WDFY3: variants seen among roughly 807,000 people sequenced by gnomAD.
WDFY3 encodes the protein WD repeat and FYVE domain containing 3.
WDFY3 carries 66 observed loss-of-function variants against 409.6 expected under a neutral mutation model. The observed-to-expected ratio is 0.16, with a 90% CI of 0.13 to 0.20. The LOEUF is 0.20. WDFY3 is among the 10% of genes least tolerant of loss of function. The probability of loss-of-function intolerance (pLI) is 1.00; values close to 1 mark genes in which losing one functional copy is unlikely to be tolerated. For missense variants in WDFY3, 3,031 were observed against 4,298.1 expected, an observed-to-expected ratio of 0.71 and a Z score of 8.24; for synonymous variants, 1,521 against 1,537.1, an observed-to-expected ratio of 0.99 and a Z score of 0.25.
intron 5 of WDFY3, among the ~76,000 whole-genome samples, chr4:84,847,427 A>G (rs2150081884): frequency 6.6e-6 from 1 of 152,186 alleles, no homozygotes; most frequent in South Asian, 2.1e-4. Flanking sequence ...CCTTTTTATT[A>G]AACCTGAAAG....
chr4:84,821,361 T>C lies in WDFY3; in HGVS notation c.1314A>G (p.Pro438=), dbSNP rs527900658. The C allele has an allele frequency of 6.2e-7, 1 of 1,613,904 alleles. No homozygotes were observed. The highest frequency in any genetic ancestry group is 1.1e-5 in the South Asian group (1 of 91,080). ...SQFAEKISKL[P]EVQNKYFEML... ...TCTCAAAGTATTTGTTTTGTACTTC[T>C]GGGAGTTTAGAAATCTTCTCTGCAA... is the stretch of plus-strand genomic sequence containing the variant. The change falls in exon 11 of 68, where the codon CCA becomes CCG. Residue 438 remains proline, a synonymous_variant. Coordinates refer to ENST00000295888, the MANE Select transcript of WDFY3 (RefSeq NM_014991.6).
Position 84,708,912 on chromosome 4 carries a change from T to C in WDFY3, c.8214A>G (p.Ser2738=), listed in dbSNP as rs752792328. The C allele has an allele frequency of 6.2e-7, 1 of 1,612,100 alleles. No homozygotes were observed. The highest frequency in any genetic ancestry group is 1.1e-5 in the South Asian group (1 of 90,770). ...AGCAAAATGACTTAAGATTTACCTCTGAGTCATAATCTGCAAGGATCCAGG... is the reference window on the plus strand; with the variant it reads ...AGCAAAATGACTTAAGATTTACCTCCGAGTCATAATCTGCAAGGATCCAGG... ...VFPWILADYD[S]EEVDLTNPKT... The change falls in exon 53 of 68, where the codon TCA becomes TCG. Residue 2738 remains serine, a synonymous_variant. Coordinates refer to ENST00000295888, the MANE Select transcript of WDFY3 (RefSeq NM_014991.6).
chr4:84,780,972 A>C (rs886301212), intron 25 of WDFY3, among the ~76,000 whole-genome samples: 1 of 152,238 alleles, frequency 6.6e-6, no homozygotes, highest in South Asian at 2.1e-4. Context: ...AGTAAGTAAG[A>C]GTGCCTTACT....
intron 3 of WDFY3, chr4:84,879,406 CTGAAT>C (rs1763192703): frequency 6.6e-6 from 1 of 152,192 alleles, no homozygotes; most frequent in African/African-American, 2.4e-5. Flanking sequence ...CCCAACCCAC[CTGAAT>C]TTCTCTCTGT....
chr4:84,787,520 G>T lies in WDFY3; in HGVS notation c.3863C>A (p.Pro1288Gln), dbSNP rs1403719123. The T allele has an allele frequency of 2.5e-6, 4 of 1,614,014 alleles. No homozygotes were observed. The highest frequency in any genetic ancestry group is 3.4e-6 in the Non-Finnish European group (4 of 1,180,002). Residue 1288 changes from proline (P) to glutamine (Q), a missense_variant, in exon 23 of 68, where the codon CCA becomes CAA. Pro to Gln is a moderately conservative substitution (Grantham distance 76). Transcript: ENST00000295888. Reference sequence around the variant, plus strand: ...AGCCTGAAAGCTTCCAACATAATTTGGTCCAAGTTCATAAATGGTAGTAAC... The same window carrying T: ...AGCCTGAAAGCTTCCAACATAATTTTGTCCAAGTTCATAAATGGTAGTAAC... ...SNVTTIYELGPNYVGSFQAVC... is the reference protein window; with the variant it reads ...SNVTTIYELGQNYVGSFQAVC...
rs1560523570 is a variant in WDFY3 at position 84,684,049 on chromosome 4, G to C, written c.9620C>G (p.Thr3207Arg). The C allele has an allele frequency of 6.2e-7, 1 of 1,613,620 alleles. No individual in the cohort carries two copies. The highest frequency in any genetic ancestry group is 8.5e-7 in the Non-Finnish European group (1 of 1,179,592). The part of the protein sequence containing the change: ...INGNPIVSVN[T>R]FTGRSQQIIC... ...GATCTGCTGGCTCCTACCTGTGAACGTGTTGACACTCACGATAGGGTTCCC... is the reference window on the plus strand; with the variant it reads ...GATCTGCTGGCTCCTACCTGTGAACCTGTTGACACTCACGATAGGGTTCCC... Residue 3207 changes from threonine (T) to arginine (R), a missense_variant, in exon 63 of 68, where the codon ACG becomes AGG. Transcript: ENST00000295888.
intron 47 of WDFY3, among the ~76,000 whole-genome samples, chr4:84,719,322 A>G (rs926412930): frequency 2.6e-5 from 4 of 152,218 alleles, no homozygotes; most frequent in Non-Finnish European, 5.9e-5. Context: ...AGGAAGGAGC[A>G]TTGCTAAATC....
intron 34 of WDFY3, among the ~76,000 whole-genome samples, chr4:84,754,381 T>C (rs1393312468): frequency 6.6e-6 from 1 of 152,242 alleles, no homozygotes; most frequent in African/African-American, 2.4e-5. Flanking sequence ...CCAGAGAGTA[T>C]CTTTTAAAAA....
At chr4:84,948,474 G>T (rs1773184123) in intron 1 of WDFY3, among the ~76,000 whole-genome samples, 1 of 152,172 alleles carries the variant, frequency 6.6e-6, no homozygotes, top group Non-Finnish European at 1.5e-5. Flanking sequence ...GTCAAGCCCA[G>T]CCTGTCTCTG....
intron 1 of WDFY3, among the ~76,000 whole-genome samples, chr4:84,944,401 G>A (rs1016964948): frequency 2.6e-5 from 4 of 151,304 alleles, no homozygotes; most frequent in Non-Finnish European, 4.4e-5. Context: ...GCATGGTGGC[G>A]CACACCTGTA....
chr4:84,946,838 G>A (rs1414765528), intron 1 of WDFY3, among the ~76,000 whole-genome samples: 2 of 150,662 alleles, frequency 1.3e-5, no homozygotes, highest in South Asian at 2.1e-4. Flanking sequence ...ACAGAGTCTC[G>A]CTCTGTTGCC....
intron 36 of WDFY3, chr4:84,751,249 T>TA: frequency 1.8e-6 from 1 of 556,982 alleles, no homozygotes; most frequent in South Asian, 2.1e-5. Flanking sequence ...CGCCAGCTCT[T>TA]AGAGAAAGGA....
chr4:84,699,698 C>A (rs1358236597), intron 56 of WDFY3, among the ~76,000 whole-genome samples: 1 of 152,062 alleles, frequency 6.6e-6, no homozygotes, highest in Non-Finnish European at 1.5e-5. Flanking sequence ...TTTTTCTATA[C>A]CTTTGCCAGC....
At chr4:84,793,445 C>CCTTGAGATAA (rs1748851765) in intron 21 of WDFY3, among the ~76,000 whole-genome samples, 2 of 152,212 alleles carry the variant, frequency 1.3e-5, no homozygotes, top group Non-Finnish European at 2.9e-5. Context: ...ACTTTGACTT[C>CCTTGAGATAA]ACAGTCCTTG....
intron 19 of WDFY3, among the ~76,000 whole-genome samples, chr4:84,796,214 C>T (rs916301443): frequency 2.0e-4 from 30 of 149,946 alleles, no homozygotes; most frequent in African/African-American, 6.9e-4. Context: ...ATGAGTGTGG[C>T]TGTTTTCCAA....
chr4:84,814,416 C>T (rs887643580), intron 13 of WDFY3, among the ~76,000 whole-genome samples: 2 of 152,144 alleles, frequency 1.3e-5, no homozygotes, highest in African/African-American at 4.8e-5. Context: ...GTTTTGCTTT[C>T]CTTCGTTTTA....
intron 8 of WDFY3, among the ~76,000 whole-genome samples, chr4:84,831,143 C>T (rs991977271): frequency 8.8e-5 from 13 of 147,692 alleles, no homozygotes; most frequent in South Asian, 4.3e-4. Context: ...GCCAAGATCG[C>T]GCCACTGCAC....
intron 1 of WDFY3, among the ~76,000 whole-genome samples, chr4:84,954,100 A>G (rs4287997): frequency 0.94 from 142,383 of 152,208 alleles, 66,706 homozygotes; most frequent in East Asian, 1. Context: ...TCACAATAAA[A>G]TATGTTATCA....
chr4:84,739,123 A>G lies in WDFY3; in HGVS notation c.6465-4T>C. The G allele has an allele frequency of 6.2e-7, 1 of 1,613,960 alleles. No individual in the cohort carries two copies. Reference sequence around the variant, plus strand: ...CAGTCCAAATCCATCCACGTTGCTGAAAAATTCCAGTCAGTTTAAACTTTA... The same window carrying G: ...CAGTCCAAATCCATCCACGTTGCTGGAAAATTCCAGTCAGTTTAAACTTTA... On this transcript the variant is annotated splice_region_variant and splice_polypyrimidine_tract_variant and intron_variant, in intron 39 of 67. Transcript: ENST00000295888.
Sources: gnomAD v4.1 joint callset for allele counts (sites outside exome capture counted in the v4.1 genomes callset) on GRCh38, gnomAD v4.1.1 for gene constraint, MANE v1.5 for transcripts, NCBI Gene and HGNC (gene_info 2026-07-23, HGNC 2026-07-21) for gene names.